Variants in GPATCH1 observed in about 807,000 individuals in gnomAD.
The protein encoded by GPATCH1 is G-patch domain containing 1, also known as G patch domain-containing protein 1.
A neutral mutation model predicts 114.9 loss-of-function variants in GPATCH1; 73 were observed. The ratio of observed to expected loss-of-function variants is 0.64; its 90% CI spans 0.53 to 0.77. The LOEUF (loss-of-function observed/expected upper bound fraction) is 0.77. Ranked by LOEUF, GPATCH1 falls within the 30% of genes least tolerant of loss-of-function variation. The pLI is 0.00. For missense variants in GPATCH1, 1,058 were observed against 1,144.3 expected (o/e 0.92, Z 1.09); for synonymous variants, 391 against 428.4 (o/e 0.91, Z 1.08).
Position 33,096,338 on chromosome 19 carries a change from T to G in GPATCH1, c.744T>G (p.Phe248Leu), listed in dbSNP as rs189091939. The change falls in exon 7 of 20, where the codon TTT becomes TTG. Residue 248 changes from phenylalanine to leucine, a missense_variant. This residue lies in a region of GPATCH1 where 893 missense variants were observed against 977.4 expected (regional missense o/e 0.91). Coordinates refer to ENST00000170564, the MANE Select transcript of GPATCH1 (RefSeq NM_018025.3). ...GCCTGGATCCCCACCAGGCACTGTT[T>G]GGAACTTCGGGAGAACATTTTAATC... Reference protein sequence around the residue: ...YKGLDPHQALFGTSGEHFNLF... With the variant: ...YKGLDPHQALLGTSGEHFNLF... 1.0e-4 allele frequency: 161 copies of G among 1,614,196 alleles called. 1 individual carries two copies. The African/African-American group carries it at 1.7e-3, about 17-fold the overall frequency.
intron 13 of GPATCH1, chr19:33,112,922 T>C (rs12609125): frequency 4.6e-6 from 1 of 215,962 alleles, no homozygotes; most frequent in Admixed American, 5.6e-5. Context: ...GGTTTACATT[T>C]ATAATGTTAC....
At chr19:33,122,699 C>G (rs1188292748) in intron 17 of GPATCH1, among the ~76,000 whole-genome samples, 1 of 151,942 alleles carries the variant, frequency 6.6e-6, no homozygotes, top group Non-Finnish European at 1.5e-5. Context: ...GTCTTTGATA[C>G]CCTCGTAATA....
chr19:33,082,592 C>G (rs1972490257), intron 1 of GPATCH1, among the ~76,000 whole-genome samples: 1 of 152,144 alleles, frequency 6.6e-6, no homozygotes, highest in South Asian at 2.1e-4. Flanking sequence ...ACCTGTAATC[C>G]CAGCACTCTG....
At chr19:33,096,486 T>C in intron 7 of GPATCH1, 40 bp downstream of exon 7, 1 of 1,505,710 alleles carries the variant, frequency 6.6e-7, no homozygotes, top group South Asian at 1.2e-5. Flanking sequence ...GAGTCATTGA[T>C]AAATGAGTCT....
At chr19:33,110,337 A>G (rs1370578114) in intron 11 of GPATCH1, among the ~76,000 whole-genome samples, 1 of 152,192 alleles carries the variant, frequency 6.6e-6, no homozygotes, top group East Asian at 1.9e-4. Context: ...ATTTCATATC[A>G]GCATCATCTT....
chr19:33,111,566 A>T (rs1278958168), intron 11 of GPATCH1, among the ~76,000 whole-genome samples, 158 bp from the exon 12 acceptor site: 1 of 152,050 alleles, frequency 6.6e-6, no homozygotes, highest in African/African-American at 2.4e-5. Context: ...GGAAACAGCA[A>T]TATTACCTGC....
chr19:33,104,338 C>CA (rs759908888), intron 9 of GPATCH1, among the ~76,000 whole-genome samples: 7 of 124,932 alleles, frequency 5.6e-5, no homozygotes, highest in African/African-American at 1.2e-4. Flanking sequence ...GACCCTGTCT[C>CA]AAAAAAAAGA....
intron 10 of GPATCH1, among the ~76,000 whole-genome samples, chr19:33,108,842 C>T (rs1426115578): frequency 1.3e-5 from 2 of 152,256 alleles, no homozygotes; most frequent in East Asian, 1.9e-4. Flanking sequence ...GGTCTGGAGC[C>T]GGGGATGTCA....
chr19:33,125,357 C>T (rs1973029332), intron 18 of GPATCH1, among the ~76,000 whole-genome samples, 155 bp downstream of exon 18: 1 of 151,710 alleles, frequency 6.6e-6, no homozygotes, highest in Non-Finnish European at 1.5e-5. Context: ...AATTCAAATG[C>T]TTGATTTTTC....
At position 33,130,134 on chromosome 19, in the gene GPATCH1, A is replaced by T. The variant is rs750762107; in HGVS notation, c.2770A>T (p.Lys924Ter). Residue 924 changes from lysine (K) to a stop codon, truncating the protein, a stop_gained, in exon 20 of 20, where the codon AAA becomes TAA. Transcript: ENST00000170564. LOFTEE classifies it high-confidence loss of function. ...CTTTTCTGTTTTCTTTTCCAGGCTG[A>T]AAAGTCTTCCACTAAGAAGGCAGTA... ...VSPQELLRRL[K>*]SLPLRRQ 4.3e-6 allele frequency: 7 copies of T among 1,611,156 alleles called. No individual in the cohort carries two copies. The East Asian group carries it at 1.3e-4, about 31-fold the overall frequency.
intron 15 of GPATCH1, among the ~76,000 whole-genome samples, chr19:33,114,771 T>G (rs1229093752): frequency 6.6e-6 from 1 of 151,628 alleles, no homozygotes; most frequent in African/African-American, 2.4e-5. Flanking sequence ...CTTAGGTGTA[T>G]ATACATTTAG....
At position 33,109,703 on chromosome 19, in the gene GPATCH1, C is replaced by CA. The variant is rs778679946; in HGVS notation, c.1286-14_1286-13insA. ...TGGCTCTTTTCATCTCTTCTAATTA[C>CA]TGTTTTTATTTAGGTTCAGCTACTT... On this transcript the variant is annotated splice_polypyrimidine_tract_variant and intron_variant, in intron 10 of 19. Transcript: ENST00000170564. 6.6e-7 allele frequency: 1 copy of CA among 1,512,552 alleles called. No homozygotes were observed. Among genetic ancestry groups the CA allele is most frequent in the Admixed American group, 2.1e-5 (1 of 47,022 alleles). The allele number at this position is 1,512,552 out of a possible 1,614,324, so 93.7% of individuals were successfully genotyped here.
intron 17 of GPATCH1, among the ~76,000 whole-genome samples, chr19:33,119,379 AAT>A (rs1972951464): frequency 6.6e-6 from 1 of 152,066 alleles, no homozygotes; most frequent in Non-Finnish European, 1.5e-5. Flanking sequence ...TTGTTATAGA[AAT>A]ATAAGTTTCC....
chr19:33,093,996 C>G lies in GPATCH1; in HGVS notation c.456-176C>G, dbSNP rs1383958549. The stretch of plus-strand genomic sequence containing the variant: ...TGACTTCCCCAGTTCAGGTGTGCAC[C>G]CCAGTGCAGCCTGCTGTGGCTGGAA... On this transcript the variant is annotated intron_variant, in intron 4 of 19. Coordinates refer to ENST00000170564, the MANE Select transcript of GPATCH1 (RefSeq NM_018025.3). Among the ~76,000 whole-genome samples the G allele has an allele frequency of 3.3e-5, 5 of 152,128 alleles. No individual in the cohort carries two copies. In the East Asian group the frequency reaches 5.8e-4, roughly 18 times the overall value.
intron 2 of GPATCH1, among the ~76,000 whole-genome samples, chr19:33,090,153 C>T (rs796963929): frequency 8.5e-5 from 13 of 152,280 alleles, no homozygotes; most frequent in African/African-American, 1.7e-4. Context: ...TGTTTGTGGA[C>T]GTGGCACATG....
intron 1 of GPATCH1, among the ~76,000 whole-genome samples, chr19:33,083,009 C>G (rs191174945): frequency 1.3e-5 from 2 of 151,840 alleles, no homozygotes; most frequent in South Asian, 4.2e-4. Context: ...GAGGCCGAGG[C>G]GGGCAGATCG....
At chr19:33,128,950 A>G (rs968698259) in intron 19 of GPATCH1, among the ~76,000 whole-genome samples, 5 of 152,158 alleles carry the variant, frequency 3.3e-5, no homozygotes, top group Non-Finnish European at 5.9e-5. Context: ...TCCTATATGT[A>G]TGAAATTCAG....
intron 17 of GPATCH1, among the ~76,000 whole-genome samples, chr19:33,124,693 G>T (rs1024856827): frequency 6.6e-6 from 1 of 152,202 alleles, no homozygotes; most frequent in Admixed American, 6.5e-5. Context: ...TGGGGAAACT[G>T]GGCGTGGGAG....
At chr19:33,088,357 A>G (rs1972557169) in intron 2 of GPATCH1, 89 bp downstream of exon 2, 3 of 984,704 alleles carry the variant, frequency 3.0e-6, no homozygotes, top group Non-Finnish European at 4.5e-6. Context: ...TTTTTTTTTA[A>G]TTTTGAGACA....
Sources: allele counts gnomAD v4.1 joint callset (sites outside exome capture counted in the v4.1 genomes callset), GRCh38; gene constraint gnomAD v4.1.1; regional missense constraint gnomAD v4.1.1; transcripts MANE v1.5; gene names NCBI Gene and HGNC (gene_info 2026-07-23, HGNC 2026-07-21).